The following CDH13 variants were observed in gnomAD, a reference collection of about 807,000 sequenced individuals.
CDH13 encodes cadherin 13.
Under a neutral mutation model 63.8 loss-of-function variants are expected in CDH13, and 24 were observed. The ratio of observed to expected loss-of-function variants is 0.38; its 90% CI spans 0.27 to 0.53. The LOEUF is 0.53. Among genes scored for constraint, CDH13 ranks in the 20% least tolerant of loss-of-function variants. The pLI, the probability that CDH13 is intolerant of heterozygous loss-of-function variation, is 0.85. For synonymous variants in CDH13, 503 were observed against 355.3 expected (o/e 1.42, Z -4.67); for missense variants, 1,049 against 903.1 (o/e 1.16, Z -2.07).
At chr16:82,724,177 T>C (rs1316639523) in intron 1 of CDH13, among the ~76,000 whole-genome samples, 1 of 152,180 alleles carries the variant, frequency 6.6e-6, no homozygotes, top group Non-Finnish European at 1.5e-5. Context: ...CTTTTTCTTA[T>C]TTCTCATTTT....
chr16:83,066,251 G>A (rs376703826), intron 3 of CDH13, among the ~76,000 whole-genome samples: 1 of 152,220 alleles, frequency 6.6e-6, no homozygotes. Flanking sequence ...AGGGGAATCA[G>A]TTTCTCAATT....
chr16:83,074,446 T>C (rs915662608), intron 3 of CDH13, among the ~76,000 whole-genome samples: 9 of 152,230 alleles, frequency 5.9e-5, no homozygotes, highest in Non-Finnish European at 1.0e-4. Flanking sequence ...TAGATAGTGC[T>C]ACAATAAACA....
chr16:83,111,198 G>T (rs1012645192), intron 3 of CDH13, among the ~76,000 whole-genome samples: 1 of 151,852 alleles, frequency 6.6e-6, no homozygotes. Flanking sequence ...AATAGAAATG[G>T]CAAGGAATAA....
chr16:83,285,237 A>G (rs192634263), intron 5 of CDH13, among the ~76,000 whole-genome samples: 18 of 152,328 alleles, frequency 1.2e-4, no homozygotes, highest in Admixed American at 3.3e-4. Flanking sequence ...CCTAGAAAAA[A>G]GTCATTATGT....
At chr16:83,108,880 C>G (rs143685091) in intron 3 of CDH13, among the ~76,000 whole-genome samples, 1 of 152,126 alleles carries the variant, frequency 6.6e-6, no homozygotes, top group Non-Finnish European at 1.5e-5. Context: ...CTTGCCCTTC[C>G]GAGTCACAGG....
chr16:83,358,871 G>T lies in CDH13; in HGVS notation c.781+13865G>T, dbSNP rs150416873. Among the ~76,000 whole-genome samples the T allele has an allele frequency of 2.0e-5, 3 of 152,204 alleles. No individual in the cohort carries two copies. In the East Asian group the frequency reaches 5.8e-4, roughly 29 times the overall value. On this transcript the variant is annotated intron_variant, in intron 6 of 13. Coordinates refer to ENST00000567109, the MANE Select transcript of CDH13 (RefSeq NM_001257.5). Reference sequence around the variant, plus strand: ...GTTAAAAAAAACCCCACTGCCTTATGATGGGAACTTTCTTAGTGTAGTTAT... The same window carrying T: ...GTTAAAAAAAACCCCACTGCCTTATTATGGGAACTTTCTTAGTGTAGTTAT...
chr16:82,938,281 G>C (rs569766298), intron 2 of CDH13, among the ~76,000 whole-genome samples: 6 of 152,138 alleles, frequency 3.9e-5, no homozygotes, highest in Non-Finnish European at 7.3e-5. Flanking sequence ...AAAAGGAATC[G>C]TGATAAGGTG....
At chr16:82,774,075 G>A (rs969572685) in intron 1 of CDH13, among the ~76,000 whole-genome samples, 1 of 151,880 alleles carries the variant, frequency 6.6e-6, no homozygotes, top group African/African-American at 2.4e-5. Context: ...AAGACACCGT[G>A]CCCGGCCAGT....
At chr16:82,692,169 C>G (rs981479446) in intron 1 of CDH13, among the ~76,000 whole-genome samples, 1 of 152,176 alleles carries the variant, frequency 6.6e-6, no homozygotes, top group Non-Finnish European at 1.5e-5. Flanking sequence ...GGAGTGTAAG[C>G]TGCAGGAAGA....
intron 6 of CDH13, among the ~76,000 whole-genome samples, chr16:83,413,514 G>A (rs539367748): frequency 1.3e-5 from 2 of 152,296 alleles, no homozygotes; most frequent in Admixed American, 6.5e-5. Flanking sequence ...ATTATGCAAT[G>A]CGGTAATGTT....
intron 6 of CDH13, among the ~76,000 whole-genome samples, chr16:83,469,033 G>C (rs1470443423): frequency 2.6e-5 from 4 of 152,160 alleles, no homozygotes; most frequent in Non-Finnish European, 5.9e-5. Flanking sequence ...GCTTTCCCTG[G>C]TATATCTTTT....
chr16:83,247,099 A>G (rs369285258), intron 5 of CDH13, among the ~76,000 whole-genome samples: 2 of 152,224 alleles, frequency 1.3e-5, no homozygotes, highest in South Asian at 2.1e-4. Context: ...ACAGGAGGGC[A>G]CTGTGGATTT....
intron 8 of CDH13, among the ~76,000 whole-genome samples, chr16:83,623,347 C>T (rs568752843): frequency 1.6e-4 from 25 of 152,280 alleles, no homozygotes; most frequent in Admixed American, 5.9e-4. Flanking sequence ...GCCCTTTCAG[C>T]GCCTTGTTTC....
At chr16:83,631,375 G>A (rs951035195) in intron 8 of CDH13, among the ~76,000 whole-genome samples, 5 of 152,040 alleles carry the variant, frequency 3.3e-5, no homozygotes, top group Admixed American at 2.6e-4. Flanking sequence ...TTGTTCTTTC[G>A]GTGGCCCTGT....
At chr16:83,554,887 T>A (rs1040741903) in intron 7 of CDH13, among the ~76,000 whole-genome samples, 4 of 151,814 alleles carry the variant, frequency 2.6e-5, no homozygotes, top group African/African-American at 9.7e-5. Flanking sequence ...CTGCAGCACA[T>A]GTATTCCCAT....
chr16:83,394,947 A>C (rs1446350991), intron 6 of CDH13, among the ~76,000 whole-genome samples: 1 of 152,076 alleles, frequency 6.6e-6, no homozygotes, highest in Non-Finnish European at 1.5e-5. Flanking sequence ...CAGGTGTTTG[A>C]AACCAGCCTG....
chr16:82,878,284 G>C (rs887450617), intron 2 of CDH13, among the ~76,000 whole-genome samples: 11 of 151,966 alleles, frequency 7.2e-5, no homozygotes, highest in Non-Finnish European at 1.3e-4. Context: ...AAATTAGAAA[G>C]CCCTTTGCTC....
chr16:83,470,621 G>A (rs1354165161), intron 6 of CDH13, among the ~76,000 whole-genome samples: 3 of 152,114 alleles, frequency 2.0e-5, no homozygotes, highest in Non-Finnish European at 2.9e-5. Context: ...CTCATTGGCA[G>A]GAGGGAGAAT....
chr16:83,092,231 A>C (rs2151584640), intron 3 of CDH13, among the ~76,000 whole-genome samples: 1 of 152,354 alleles, frequency 6.6e-6, no homozygotes, highest in Admixed American at 6.5e-5. Context: ...TTCAATAGAG[A>C]GCAGGGACTA....
Sources: gnomAD v4.1 joint callset for allele counts (sites outside exome capture counted in the v4.1 genomes callset) on GRCh38, gnomAD v4.1.1 for gene constraint, MANE v1.5 for transcripts, NCBI Gene and HGNC (gene_info 2026-07-23, HGNC 2026-07-21) for gene names.